The following KLHDC1 variants were observed in gnomAD, a reference collection of about 807,000 sequenced individuals.
KLHDC1 encodes the protein kelch domain-containing protein 1.
In KLHDC1, 53 loss-of-function variants were observed where a neutral mutation model predicts 68.3. The ratio of observed to expected loss-of-function variants is 0.78; its 90% confidence interval spans 0.62 to 0.98. The LOEUF is 0.98. Ranked by LOEUF, KLHDC1 falls within the 50% of genes least tolerant of loss-of-function variation. The pLI is 0.00. For missense variants in KLHDC1, 470 were observed against 492.3 expected (o/e 0.95, Z 0.43); for synonymous variants, 148 against 159.0 (o/e 0.93, Z 0.52).
At chr14:49,707,140 A>G (rs1888069761) in intron 1 of KLHDC1, among the ~76,000 whole-genome samples, 1 of 152,022 alleles carries the variant, frequency 6.6e-6, no homozygotes, top group Admixed American at 6.6e-5. Flanking sequence ...TCTTTAATCC[A>G]TTTTGATGTG....
rs534350997 is a variant in KLHDC1, at chr14:49,740,027, A to G, written c.897-71A>G. On this transcript the variant is annotated intron_variant, in intron 10 of 12. Coordinates refer to ENST00000359332, the MANE Select transcript of KLHDC1 (RefSeq NM_172193.3). Reference sequence around the variant, plus strand: ...TTACATTTTAGAGTATGAAATTTAGAATTGATTTATATATAATGTACAGTT... The same window carrying G: ...TTACATTTTAGAGTATGAAATTTAGGATTGATTTATATATAATGTACAGTT... 13 of 801,198 alleles carry G rather than the reference A, an allele frequency of 1.6e-5. No individual in the cohort carries two copies. In the East Asian group the frequency reaches 3.6e-4, roughly 22 times the overall value. The allele number at this position is 801,198 out of a possible 1,614,324, so 49.6% of individuals were successfully genotyped here. A position where few individuals can be genotyped will look rare whatever the true frequency, so the allele number is the denominator to read the frequency against.
At chr14:49,743,467 G>T (rs907582532) in intron 11 of KLHDC1, among the ~76,000 whole-genome samples, 1 of 151,694 alleles carries the variant, frequency 6.6e-6, no homozygotes, top group Non-Finnish European at 1.5e-5. Context: ...GGTGAAGAAT[G>T]TATTTCTTAT....
At chr14:49,741,479 G>C (rs1172318068) in intron 11 of KLHDC1, among the ~76,000 whole-genome samples, 2 of 151,708 alleles carry the variant, frequency 1.3e-5, no homozygotes, top group African/African-American at 4.8e-5. Context: ...CTAATTTTTT[G>C]TATTTTTAGT....
At chr14:49,738,259 C>T (rs571375237) in intron 10 of KLHDC1, among the ~76,000 whole-genome samples, 3 of 151,846 alleles carry the variant, frequency 2.0e-5, no homozygotes, top group Admixed American at 2.0e-4. Context: ...TGCTCTACTC[C>T]TTTATGAAAT....
rs1467026236 is a variant in KLHDC1 at position 49,710,322 on chromosome 14, C to T, written c.345C>T (p.Asp115=). 1.9e-6 allele frequency: 3 copies of T among 1,612,676 alleles called. No individual in the cohort carries two copies. Among genetic ancestry groups the T allele is most frequent in the Non-Finnish European group, 2.5e-6 (3 of 1,178,898 alleles). ...CCTACATTTGGGAGAAAATCACCGA[C>T]TTTGAAGGGCAACCACCTACACCAC... ...DETYIWEKIT[D]FEGQPPTPRD... is the part of the protein sequence containing the mutation. Residue 115 remains aspartate (D), a synonymous_variant, in exon 4 of 13, where the codon GAC becomes GAT. Transcript: ENST00000359332.
intron 4 of KLHDC1, among the ~76,000 whole-genome samples, chr14:49,713,306 G>C (rs1888258123): frequency 6.6e-6 from 1 of 152,148 alleles, no homozygotes; most frequent in African/African-American, 2.4e-5. Context: ...GGTTGTCTCT[G>C]TATGTTAGCA....
At chr14:49,742,572 C>T (rs1889089085) in intron 11 of KLHDC1, among the ~76,000 whole-genome samples, 1 of 151,472 alleles carries the variant, frequency 6.6e-6, no homozygotes, top group Non-Finnish European at 1.5e-5. Context: ...ACTCAGGAGG[C>T]TGAGGCAAGA....
chr14:49,708,915 A>T, intron 1 of KLHDC1: 1 of 244,666 alleles, frequency 4.1e-6, no homozygotes, highest in South Asian at 1.1e-4. Flanking sequence ...TAATTGCCCT[A>T]ATTATTTTCT....
chr14:49,729,393 G>C (rs938394233), intron 7 of KLHDC1, 97 bp from the exon 8 acceptor site: 11 of 759,112 alleles, frequency 1.4e-5, no homozygotes, highest in Non-Finnish European at 2.1e-5. Flanking sequence ...AAGTAAAATA[G>C]AGATAGTCTA....
intron 8 of KLHDC1, among the ~76,000 whole-genome samples, chr14:49,730,327 T>G (rs1246070934): frequency 6.9e-6 from 1 of 144,984 alleles, no homozygotes; most frequent in African/African-American, 2.6e-5. Flanking sequence ...GTTCAAGCAA[T>G]TCTCCTGCCT....
intron 8 of KLHDC1, among the ~76,000 whole-genome samples, chr14:49,730,157 G>A (rs542632646): frequency 6.7e-6 from 1 of 150,370 alleles, no homozygotes; most frequent in Non-Finnish European, 1.5e-5. Context: ...GTAGAAAAAT[G>A]TACCACAAAA....
chr14:49,700,269 C>G (rs953119838), intron 1 of KLHDC1: 1 of 170,250 alleles, frequency 5.9e-6, no homozygotes, highest in Admixed American at 6.3e-5. Context: ...TCAATTGATC[C>G]ACCTGCCTCG....
At chr14:49,751,464 TAAAA>T (rs1264308633) in intron 12 of KLHDC1, 118 bp from the exon 13 acceptor site, 5 of 473,990 alleles carry the variant, frequency 1.1e-5, no homozygotes, top group Non-Finnish European at 1.8e-5. Context: ...AATTAAAAAT[TAAAA>T]AAAGATCTGT....
At chr14:49,750,163 G>C (rs1435653906) in intron 12 of KLHDC1, among the ~76,000 whole-genome samples, 15 of 152,170 alleles carry the variant, frequency 9.9e-5, no homozygotes, top group African/African-American at 3.6e-4. Flanking sequence ...CACTGCCAGA[G>C]ACAAACAGCA....
At chr14:49,699,614 T>C (rs149965908) in intron 1 of KLHDC1, among the ~76,000 whole-genome samples, 2 of 152,282 alleles carry the variant, frequency 1.3e-5, no homozygotes, top group African/African-American at 4.8e-5. Flanking sequence ...TTCCTCTTCA[T>C]TGATACAAAC....
chr14:49,729,810 G>A (rs1888759339), intron 8 of KLHDC1, among the ~76,000 whole-genome samples: 1 of 152,204 alleles, frequency 6.6e-6, no homozygotes, highest in East Asian at 1.9e-4. Flanking sequence ...ATCAGTAGAA[G>A]AAATGAAGAA....
intron 6 of KLHDC1, among the ~76,000 whole-genome samples, chr14:49,728,399 A>T (rs1206105183): frequency 6.6e-6 from 1 of 152,226 alleles, no homozygotes; most frequent in African/African-American, 2.4e-5. Flanking sequence ...AGTGTTATCA[A>T]TTAATGTTAA....
intron 8 of KLHDC1, 33 bp from the exon 9 acceptor site, chr14:49,732,671 A>G: frequency 9.3e-7 from 1 of 1,080,450 alleles, no homozygotes; most frequent in Non-Finnish European, 1.4e-6. Flanking sequence ...TGATTAATAT[A>G]GTACCTAGAC....
intron 1 of KLHDC1, among the ~76,000 whole-genome samples, chr14:49,693,505 C>T (rs770842869): frequency 6.6e-6 from 1 of 151,754 alleles, no homozygotes; most frequent in African/African-American, 2.4e-5. Context: ...GCCTCAGACC[C>T]GGCTCCGGGC....
Sources: gnomAD v4.1 joint callset for allele counts (sites outside exome capture counted in the v4.1 genomes callset) on GRCh38, gnomAD v4.1.1 for gene constraint, MANE v1.5 for transcripts, NCBI Gene and HGNC (gene_info 2026-07-23, HGNC 2026-07-21) for gene names.